The following ITPR1 variants were observed in gnomAD, a reference collection of about 807,000 sequenced individuals.
ITPR1 encodes inositol 1,4,5-trisphosphate-gated calcium channel ITPR1.
ITPR1 carries 96 observed loss-of-function variants against 318.4 expected under a neutral mutation model. The observed-to-expected ratio is 0.30, with a 90% CI of 0.26 to 0.36. The LOEUF (loss-of-function observed/expected upper bound fraction) is 0.36. ITPR1 is among the 10% of genes least tolerant of loss of function. ITPR1 has a pLI of 1.00. For missense variants in ITPR1, 2,440 were observed against 3,460.2 expected (o/e 0.71, Z 7.40); for synonymous variants, 1,312 against 1,289.9 (o/e 1.02, Z -0.37).
chr3:4,588,780 A>G (rs1204142839), intron 4 of ITPR1, among the ~76,000 whole-genome samples: 1 of 151,948 alleles, frequency 6.6e-6, no homozygotes, highest in Non-Finnish European at 1.5e-5. Context: ...TCCCTGCCTC[A>G]AACCTGTTCC....
chr3:4,618,910 TAAAC>T (rs1357469243), intron 4 of ITPR1, among the ~76,000 whole-genome samples: 1 of 152,250 alleles, frequency 6.6e-6, no homozygotes, highest in African/African-American at 2.4e-5. Flanking sequence ...ACCTCTTTGA[TAAAC>T]AACCACACAA....
At chr3:4,647,687 T>A (rs1030713977) in intron 10 of ITPR1, among the ~76,000 whole-genome samples, 1 of 152,206 alleles carries the variant, frequency 6.6e-6, no homozygotes, top group African/African-American at 2.4e-5. Flanking sequence ...CATCCCCTGT[T>A]TGATTTAGTA....
chr3:4,629,677 A>G (rs1458125883), intron 5 of ITPR1, among the ~76,000 whole-genome samples: 1 of 152,252 alleles, frequency 6.6e-6, no homozygotes, highest in Non-Finnish European at 1.5e-5. Context: ...GTGGGAGCTG[A>G]ATATCAAAGA....
intron 46 of ITPR1, among the ~76,000 whole-genome samples, chr3:4,772,149 C>CA (rs2046228421): frequency 6.6e-6 from 1 of 152,234 alleles, no homozygotes; most frequent in Non-Finnish European, 1.5e-5. Flanking sequence ...CAGGACTCAG[C>CA]CACTCTGAGT....
intron 60 of ITPR1, among the ~76,000 whole-genome samples, chr3:4,819,253 C>T (rs866511353): frequency 6.6e-6 from 1 of 152,174 alleles, no homozygotes; most frequent in Admixed American, 6.5e-5. Flanking sequence ...CTGAATACCC[C>T]GATTACAGAG....
At chr3:4,509,524 G>C (rs555784868) in intron 2 of ITPR1, among the ~76,000 whole-genome samples, 23 of 152,234 alleles carry the variant, frequency 1.5e-4, no homozygotes, top group Non-Finnish European at 3.1e-4. Context: ...AGGTGTGGTG[G>C]CTCATGCCTG....
chr3:4,833,805 CCAAT>C (rs745605059), intron 60 of ITPR1, among the ~76,000 whole-genome samples: 2 of 152,346 alleles, frequency 1.3e-5, no homozygotes, highest in South Asian at 2.1e-4. Flanking sequence ...AGGATTTTAG[CCAAT>C]CAATCAGTCA....
At chr3:4,646,132 C>T (rs1322144945) in intron 10 of ITPR1, 1 of 188,006 alleles carries the variant, frequency 5.3e-6, no homozygotes, top group Non-Finnish European at 1.1e-5. Context: ...CAATATTTAA[C>T]CAGGTGTCTA....
At chr3:4,734,468 A>G (rs568067872) in intron 43 of ITPR1, among the ~76,000 whole-genome samples, 77 of 152,342 alleles carry the variant, frequency 5.1e-4, no homozygotes, top group African/African-American at 1.7e-3. Context: ...ACAGATAGAC[A>G]ATTTTCTGCC....
intron 45 of ITPR1, among the ~76,000 whole-genome samples, chr3:4,767,875 A>G (rs1014157613): frequency 4.6e-5 from 7 of 152,148 alleles, no homozygotes; most frequent in Non-Finnish European, 8.8e-5. Flanking sequence ...GATAGATACA[A>G]TTGAGGTACC....
At chr3:4,755,957 A>G (rs1397078026) in intron 44 of ITPR1, among the ~76,000 whole-genome samples, 1 of 152,224 alleles carries the variant, frequency 6.6e-6, no homozygotes, top group Admixed American at 6.5e-5. Context: ...AGCTGGAAAC[A>G]TCCTGAGAGA....
rs1575065719 is a variant in ITPR1 at position 4,735,588 on chromosome 3, A to G, written c.5544+234A>G. The G allele has an allele frequency of 1.2e-5, 6 of 517,960 alleles. No homozygotes were observed. In the East Asian group the frequency reaches 1.9e-4, roughly 16 times the overall value. The allele number at this position is 517,960 out of a possible 1,614,324, so 32.1% of individuals were successfully genotyped here. A position where few individuals can be genotyped will look rare whatever the true frequency, so the allele number is the denominator to read the frequency against. ...ACATTTGAAAACTGATAAAACACTGAGAATACGCAAAGGAAACTGGCCTAA... is the reference window on the plus strand; with the variant it reads ...ACATTTGAAAACTGATAAAACACTGGGAATACGCAAAGGAAACTGGCCTAA... On this transcript the variant is annotated intron_variant, in intron 44 of 61. Transcript: ENST00000649015.
At chr3:4,673,784 G>T (rs1313060867) in intron 21 of ITPR1, among the ~76,000 whole-genome samples, 1 of 152,066 alleles carries the variant, frequency 6.6e-6, no homozygotes, top group African/African-American at 2.4e-5. Flanking sequence ...GGGTTTCACC[G>T]TGTTAGCTAG....
chr3:4,564,994 G>A lies in ITPR1; in HGVS notation c.163+43900G>A, dbSNP rs141911833. On this transcript the variant is annotated intron_variant, in intron 4 of 61. Transcript: ENST00000649015. ...ATTGTCTCTCACAAATGAAAATACG[G>A]ACAATACCTGCAAACATTTTGAAGC... Among the ~76,000 whole-genome samples, 234 of 152,242 alleles carry A rather than the reference G, an allele frequency of 1.5e-3. 5 individuals are homozygous for A. The highest frequency in any genetic ancestry group is 9.4e-3 in the Admixed American group (144 of 15,302).
chr3:4,636,316 A>T (rs78421649), intron 5 of ITPR1, among the ~76,000 whole-genome samples: 2,350 of 152,346 alleles, frequency 0.015, 56 homozygotes, highest in African/African-American at 0.054. Flanking sequence ...ATTTAGTGCT[A>T]ATTCAGTGGT....
chr3:4,676,859 C>A, intron 24 of ITPR1, 58 bp downstream of exon 24: 2 of 1,353,342 alleles, frequency 1.5e-6, no homozygotes, highest in Non-Finnish European at 2.1e-6. Context: ...CCATTCAGAT[C>A]CAGTCCCTCT....
In ITPR1 at chr3:4,697,242, G is replaced by A. The variant is rs566552796; in HGVS notation, c.4377G>A (p.Leu1459=). 96 of 1,570,366 alleles carry A rather than the reference G, an allele frequency of 6.1e-5. No homozygotes were observed. The highest frequency in any genetic ancestry group is 8.3e-5 in the Non-Finnish European group (96 of 1,156,488). ...ATACCAGCAATCACATGTGGAAATT[G>A]TTTGAGAATTTCCTTGTAGACATCT... ...EIYTSNHMWK[L]FENFLVDICR... Residue 1459 remains leucine, a synonymous_variant, in exon 34 of 62, where the codon TTG becomes TTA. Transcript: ENST00000649015.
chr3:4,669,820 G>A (rs1559654451), intron 19 of ITPR1, 47 bp downstream of exon 19: 4 of 1,536,982 alleles, frequency 2.6e-6, no homozygotes, highest in East Asian at 2.3e-5. Flanking sequence ...GGTTCATTCA[G>A]TGTTGGTGCT....
At chr3:4,844,932 CTT>C (rs2051646994) in intron 61 of ITPR1, among the ~76,000 whole-genome samples, 1 of 152,138 alleles carries the variant, frequency 6.6e-6, no homozygotes, top group South Asian at 2.1e-4. Context: ...GTAAATTAGT[CTT>C]GTTTTATGTT....
Sources: gnomAD v4.1 joint callset for allele counts (sites outside exome capture counted in the v4.1 genomes callset) on GRCh38, gnomAD v4.1.1 for gene constraint, MANE v1.5 for transcripts, NCBI Gene and HGNC (gene_info 2026-07-23, HGNC 2026-07-21) for gene names.